BMPER: variants seen among roughly 807,000 people sequenced by gnomAD.
BMPER encodes the protein BMP binding endothelial regulator.
A neutral mutation model predicts 87.3 loss-of-function variants in BMPER; 45 were observed. That is an observed-to-expected ratio of 0.52 (90% CI 0.41 to 0.66). The LOEUF (loss-of-function observed/expected upper bound fraction) is 0.66. Among genes scored for constraint, BMPER ranks in the 30% least tolerant of loss-of-function variants. The probability of loss-of-function intolerance (pLI) is 0.00; values close to 1 mark genes in which losing one functional copy is unlikely to be tolerated. For missense variants in BMPER, 784 were observed against 867.5 expected (o/e 0.90, Z 1.21); for synonymous variants, 326 against 316.2 (o/e 1.03, Z -0.33).
chr7:34,139,724 A>G (rs1790814108), intron 13 of BMPER, among the ~76,000 whole-genome samples: 1 of 152,000 alleles, frequency 6.6e-6, no homozygotes, highest in Non-Finnish European at 1.5e-5. Context: ...CTTTTTTTTC[A>G]GTTAATCCTT....
intron 2 of BMPER, among the ~76,000 whole-genome samples, chr7:33,909,097 T>C (rs1460776345): frequency 2.6e-5 from 4 of 152,228 alleles, no homozygotes; most frequent in African/African-American, 9.6e-5. Flanking sequence ...ACTATTTTTA[T>C]TTTATTTTAT....
intron 6 of BMPER, among the ~76,000 whole-genome samples, chr7:33,992,680 T>G (rs1031314254): frequency 9.3e-5 from 14 of 150,888 alleles, no homozygotes; most frequent in Non-Finnish European, 1.9e-4. Flanking sequence ...CTGGTTATTT[T>G]GCTTATTAGT....
rs1386346756 is a variant in BMPER, at chr7:34,084,194, G to A, written c.1409-1562G>A. Reference sequence around the variant, plus strand: ...CATGCACTTGTAGTCCCAGCTACTCGGGAGGCTGAGGCAGGAGAATTGCTT... The same window carrying A: ...CATGCACTTGTAGTCCCAGCTACTCAGGAGGCTGAGGCAGGAGAATTGCTT... On this transcript the variant is annotated intron_variant, in intron 12 of 14. Transcript: ENST00000649409. Among the ~76,000 whole-genome samples the A allele has an allele frequency of 3.9e-5, 6 of 152,116 alleles. No individual in the cohort carries two copies. The South Asian group carries it at 1.2e-3, about 32-fold the overall frequency.
chr7:34,043,518 G>T (rs1240488112), intron 6 of BMPER, among the ~76,000 whole-genome samples: 1 of 152,120 alleles, frequency 6.6e-6, no homozygotes, highest in Non-Finnish European at 1.5e-5. Flanking sequence ...AAAGAAAAAG[G>T]CAACCGATTT....
chr7:34,097,908 C>G (rs1209247098), intron 13 of BMPER, among the ~76,000 whole-genome samples: 1 of 152,028 alleles, frequency 6.6e-6, no homozygotes, highest in African/African-American at 2.4e-5. Context: ...GGGTTAGGAG[C>G]TAATCTTATG....
At chr7:33,966,925 G>A (rs1285557255) in intron 4 of BMPER, among the ~76,000 whole-genome samples, 1 of 152,218 alleles carries the variant, frequency 6.6e-6, no homozygotes, top group Non-Finnish European at 1.5e-5. Context: ...GTTAAAGGAT[G>A]TATGTTTCAC....
chr7:33,964,444 A>C (rs1195946987), intron 3 of BMPER, among the ~76,000 whole-genome samples: 2 of 152,246 alleles, frequency 1.3e-5, no homozygotes, highest in Admixed American at 1.3e-4. Context: ...TGGTTAAGCA[A>C]TGGGGCACTT....
At chr7:34,141,441 C>T (rs1367512209) in intron 13 of BMPER, among the ~76,000 whole-genome samples, 3 of 151,838 alleles carry the variant, frequency 2.0e-5, no homozygotes, top group Non-Finnish European at 4.4e-5. Flanking sequence ...GAAACCCTGT[C>T]TATACCAAAA....
intron 5 of BMPER, 94 bp downstream of exon 5, chr7:33,970,513 C>A: frequency 7.7e-7 from 1 of 1,298,462 alleles, no homozygotes; most frequent in Non-Finnish European, 1.1e-6. Flanking sequence ...ATTTTCCTCA[C>A]TTTACATCTG....
At chr7:34,136,555 A>G (rs1790724613) in intron 13 of BMPER, among the ~76,000 whole-genome samples, 1 of 152,062 alleles carries the variant, frequency 6.6e-6, no homozygotes, top group Admixed American at 6.6e-5. Context: ...TGTCTTCCCT[A>G]TCTTCTCCCT....
intron 11 of BMPER, among the ~76,000 whole-genome samples, chr7:34,074,516 A>C (rs922112586): frequency 2.0e-5 from 3 of 152,186 alleles, no homozygotes; most frequent in African/African-American, 7.2e-5. Flanking sequence ...TGGCATCATC[A>C]CGACGCTTAC....
chr7:34,143,091 A>G (rs887732368), intron 13 of BMPER, 139 bp from the exon 14 acceptor site: 22 of 1,261,548 alleles, frequency 1.7e-5, no homozygotes, highest in African/African-American at 5.9e-5. Context: ...AATTTTGCCA[A>G]TTTAGATTTC....
At chr7:34,148,804 A>G (rs1325748980) in intron 14 of BMPER, among the ~76,000 whole-genome samples, 1 of 152,152 alleles carries the variant, frequency 6.6e-6, no homozygotes, top group African/African-American at 2.4e-5. Flanking sequence ...AGTCAGGGAA[A>G]CACAAAGAAT....
rs1386910417 is a variant in BMPER, at chr7:34,153,242, G to A, written c.2027G>A (p.Cys676Tyr). ...PANLVLHKGR[C>Y]IKPVLCPQR ...AACTTGGTCCTTCACAAGGGAAGGTGCATCAAGCCAGTCCTTTGTCCCCAG... is the reference window on the plus strand; with the variant it reads ...AACTTGGTCCTTCACAAGGGAAGGTACATCAAGCCAGTCCTTTGTCCCCAG... The change falls in exon 15 of 15, where the codon TGC becomes TAC. Residue 676 changes from cysteine (C) to tyrosine (Y), a missense_variant. Coordinates refer to ENST00000649409, the MANE Select transcript of BMPER (RefSeq NM_001365308.1). 1 of 1,613,936 alleles carries A rather than the reference G, an allele frequency of 6.2e-7. No individual in the cohort carries two copies. The highest frequency in any genetic ancestry group is 1.3e-5 in the African/African-American group (1 of 74,914).
intron 3 of BMPER, among the ~76,000 whole-genome samples, chr7:33,943,055 C>T (rs1158327972): frequency 6.6e-6 from 1 of 152,036 alleles, no homozygotes; most frequent in Non-Finnish European, 1.5e-5. Flanking sequence ...TTCCTTGGCA[C>T]AATCATGTTT....
At chr7:34,019,850 G>A (rs1329946372) in intron 6 of BMPER, among the ~76,000 whole-genome samples, 1 of 151,960 alleles carries the variant, frequency 6.6e-6, no homozygotes, top group Non-Finnish European at 1.5e-5. Context: ...AGTAATTGGT[G>A]CTCCAGAGGC....
chr7:34,111,168 T>C (rs932293646), intron 13 of BMPER, among the ~76,000 whole-genome samples: 2 of 152,304 alleles, frequency 1.3e-5, no homozygotes, highest in East Asian at 3.9e-4. Context: ...TATTATTTTT[T>C]CGTAAGCGTT....
intron 2 of BMPER, among the ~76,000 whole-genome samples, chr7:33,920,353 C>G (rs573625224): frequency 5.4e-4 from 82 of 151,014 alleles, no homozygotes; most frequent in Admixed American, 1.5e-3. Context: ...TTTCCTGTGT[C>G]CTGGTCCAGA....
intron 13 of BMPER, among the ~76,000 whole-genome samples, chr7:34,109,710 T>C (rs1411472767): frequency 6.6e-6 from 1 of 152,240 alleles, no homozygotes; most frequent in Non-Finnish European, 1.5e-5. Flanking sequence ...GATTTCTGCC[T>C]CAAGATTAAA....
Sources: allele counts gnomAD v4.1 joint callset (sites outside exome capture counted in the v4.1 genomes callset), GRCh38; gene constraint gnomAD v4.1.1; transcripts MANE v1.5; gene names NCBI Gene and HGNC (gene_info 2026-07-23, HGNC 2026-07-21).